The following CNTN5 variants were observed in gnomAD, a reference collection of about 807,000 sequenced individuals.
CNTN5 encodes contactin 5.
A neutral mutation model predicts 129.1 loss-of-function variants in CNTN5; 77 were observed. The ratio of observed to expected loss-of-function variants is 0.60; its 90% confidence interval spans 0.50 to 0.72. The LOEUF is 0.72. Ranked by LOEUF, CNTN5 falls within the 30% of genes least tolerant of loss-of-function variation. The pLI is 0.00. For synonymous variants in CNTN5, 509 were observed against 465.6 expected (o/e 1.09, Z -1.20); for missense variants, 1,478 against 1,328.8 (o/e 1.11, Z -1.75).
At chr11:99,175,866 A>C (rs1364443681) in intron 1 of CNTN5, among the ~76,000 whole-genome samples, 1 of 152,152 alleles carries the variant, frequency 6.6e-6, no homozygotes, top group African/African-American at 2.4e-5. Context: ...TGGATGAATA[A>C]ACATGATGGG....
chr11:100,338,634 C>T (rs1422866750), intron 21 of CNTN5, among the ~76,000 whole-genome samples: 4 of 152,196 alleles, frequency 2.6e-5, no homozygotes, highest in Non-Finnish European at 4.4e-5. Context: ...CTCGGCCTGC[C>T]GCATTCAAGC....
chr11:99,166,153 C>T (rs10892832), intron 1 of CNTN5, among the ~76,000 whole-genome samples: 102,451 of 151,966 alleles, frequency 0.67, 34,911 homozygotes, highest in East Asian at 0.94. Flanking sequence ...CCTGTAATCC[C>T]AGCACTTTGG....
intron 14 of CNTN5, among the ~76,000 whole-genome samples, chr11:100,192,766 T>C (rs1194945577): frequency 2.6e-5 from 4 of 151,972 alleles, no homozygotes; most frequent in Admixed American, 6.6e-5. Flanking sequence ...AGTAAAAAAG[T>C]GTGTTTTTAA....
intron 13 of CNTN5, among the ~76,000 whole-genome samples, chr11:100,188,234 A>T (rs1321351802): frequency 2.0e-5 from 3 of 152,172 alleles, no homozygotes; most frequent in African/African-American, 7.2e-5. Flanking sequence ...ACTTGAAGCC[A>T]GGAGTTCAAG....
At chr11:100,296,990 G>A (rs949507214) in intron 18 of CNTN5, among the ~76,000 whole-genome samples, 1 of 151,456 alleles carries the variant, frequency 6.6e-6, no homozygotes, top group Non-Finnish European at 1.5e-5. Context: ...ATGGTTTGGT[G>A]CAATGAAGGG....
intron 13 of CNTN5, among the ~76,000 whole-genome samples, chr11:100,120,694 A>G (rs1166680327): frequency 1.3e-5 from 2 of 151,978 alleles, no homozygotes; most frequent in Admixed American, 6.6e-5. Context: ...ATATAAAATA[A>G]TAGGGTCAAA....
Position 99,426,321 on chromosome 11 carries a change from C to G in CNTN5, c.-71+100837C>G, listed in dbSNP as rs541902852. 1.1e-4 allele frequency among the ~76,000 whole-genome samples: 17 copies of G among 152,216 alleles called. No individual in the cohort carries two copies. In the East Asian group the frequency reaches 3.1e-3, roughly 28 times the overall value. The stretch of plus-strand genomic sequence containing the variant: ...ACAGGTAACTGTAAAATAAGTCATT[C>G]ATTTATCCAAAGTGGTAATACAAAT... On this transcript the variant is annotated intron_variant, in intron 2 of 24. Transcript: ENST00000524871.
intron 2 of CNTN5, among the ~76,000 whole-genome samples, chr11:99,401,122 T>A (rs1281505258): frequency 2.6e-5 from 4 of 152,180 alleles, no homozygotes; most frequent in African/African-American, 9.7e-5. Flanking sequence ...TGGTTGTCTG[T>A]GTTTTGGGGG....
At chr11:99,369,434 C>T (rs1026363659) in intron 2 of CNTN5, among the ~76,000 whole-genome samples, 2 of 151,172 alleles carry the variant, frequency 1.3e-5, no homozygotes, top group Admixed American at 1.3e-4. Context: ...CCTAATTATA[C>T]CAGTTTTCCA....
chr11:99,189,853 G>T (rs184623018), intron 1 of CNTN5, among the ~76,000 whole-genome samples: 1 of 151,508 alleles, frequency 6.6e-6, no homozygotes, highest in Admixed American at 6.6e-5. Flanking sequence ...TCATTTTATA[G>T]GTTGTCCCTT....
chr11:99,820,516 T>G (rs1273377194), intron 4 of CNTN5, among the ~76,000 whole-genome samples: 1 of 152,310 alleles, frequency 6.6e-6, no homozygotes, highest in East Asian at 1.9e-4. Context: ...TTGAATAACA[T>G]TTTCTAGATG....
At chr11:99,271,224 A>T (rs1480036002) in intron 1 of CNTN5, among the ~76,000 whole-genome samples, 1 of 151,970 alleles carries the variant, frequency 6.6e-6, no homozygotes, top group African/African-American at 2.4e-5. Context: ...GGAGCAATTA[A>T]GTGTGATGTG....
At chr11:99,988,844 T>C (rs1478147398) in intron 8 of CNTN5, among the ~76,000 whole-genome samples, 2 of 76,090 alleles carry the variant, frequency 2.6e-5, no homozygotes, top group Non-Finnish European at 5.4e-5. Context: ...ATGGGGTGTG[T>C]GTGTGTTTGT....
In CNTN5 at chr11:99,403,684, G is replaced by A. The variant is rs549718000; in HGVS notation, c.-71+78200G>A. Among the ~76,000 whole-genome samples the A allele has an allele frequency of 9.9e-5, 15 of 152,016 alleles. No homozygotes were observed. The South Asian group carries it at 3.1e-3, about 32-fold the overall frequency. On this transcript the variant is annotated intron_variant, in intron 2 of 24. Transcript: ENST00000524871. ...AGTTTTCAAAATTCCTCTTGTTATT[G>A]ATTTCTAGTTTTATTCCATAGTAGT...
intron 16 of CNTN5, among the ~76,000 whole-genome samples, chr11:100,242,010 T>C (rs996325838): frequency 3.3e-5 from 5 of 152,232 alleles, no homozygotes; most frequent in African/African-American, 1.2e-4. Flanking sequence ...ATGGCTTCTT[T>C]CTTTGGACTT....
At chr11:100,129,659 A>T (rs2138201871) in intron 13 of CNTN5, among the ~76,000 whole-genome samples, 1 of 152,292 alleles carries the variant, frequency 6.6e-6, no homozygotes, top group Middle Eastern at 3.4e-3. Context: ...ATTGACCAGT[A>T]TGAAATATTT....
intron 1 of CNTN5, among the ~76,000 whole-genome samples, chr11:99,127,027 C>T (rs188634063): frequency 6.6e-6 from 1 of 152,230 alleles, no homozygotes; most frequent in South Asian, 2.1e-4. Flanking sequence ...GTATTGATGA[C>T]TTTTTCTTTC....
chr11:99,298,760 T>A (rs1345891164), intron 1 of CNTN5, among the ~76,000 whole-genome samples: 1 of 152,018 alleles, frequency 6.6e-6, no homozygotes, highest in Non-Finnish European at 1.5e-5. Context: ...TAATGGCTAA[T>A]GTCAGCATAA....
chr11:99,567,019 A>C (rs911060717), intron 3 of CNTN5, among the ~76,000 whole-genome samples: 2 of 152,310 alleles, frequency 1.3e-5, no homozygotes, highest in Non-Finnish European at 2.9e-5. Context: ...TCCTTGACTA[A>C]ATTTATAAAT....
Sources: gnomAD v4.1 joint callset for allele counts (sites outside exome capture counted in the v4.1 genomes callset) on GRCh38, gnomAD v4.1.1 for gene constraint, MANE v1.5 for transcripts, NCBI Gene and HGNC (gene_info 2026-07-23, HGNC 2026-07-21) for gene names.